USH2A: variants seen among roughly 807,000 people sequenced by gnomAD.
USH2A encodes Usher syndrome 2A (autosomal recessive, mild).
A neutral mutation model predicts 538.9 loss-of-function variants in USH2A; 443 were observed. The ratio of observed to expected loss-of-function variants is 0.82; its 90% CI spans 0.76 to 0.89. The LOEUF (loss-of-function observed/expected upper bound fraction) is 0.89, where lower values mean the gene tolerates loss of function less well. USH2A is among the 40% of genes least tolerant of loss of function. The pLI is 0.00. For missense variants in USH2A, 6,633 were observed against 6,324.8 expected (o/e 1.05, Z -1.65); for synonymous variants, 2,413 against 2,273.5 (o/e 1.06, Z -1.75).
At chr1:215,690,642 G>A (rs908133584) in intron 61 of USH2A, among the ~76,000 whole-genome samples, 3 of 152,126 alleles carry the variant, frequency 2.0e-5, no homozygotes, top group African/African-American at 7.2e-5. Flanking sequence ...ACCTAGAAAA[G>A]CTGCTTCACC....
rs1209755447 is a variant in USH2A at position 216,350,195 on chromosome 1, CA to C, written c.784+14757del. On this transcript the variant is annotated intron_variant, in intron 4 of 71. Coordinates refer to ENST00000307340, the MANE Select transcript of USH2A (RefSeq NM_206933.4). ...TCATGAAAAATCCACCTCCAGAATC[CA>C]ATCATCTCCCACCAGGTATCACCTC... 6.6e-5 allele frequency among the ~76,000 whole-genome samples: 10 copies of C among 152,192 alleles called. No homozygotes were observed. In the East Asian group the frequency reaches 1.9e-3, roughly 29 times the overall value.
intron 9 of USH2A, among the ~76,000 whole-genome samples, chr1:216,301,731 T>A (rs1457796660): frequency 6.6e-6 from 1 of 152,236 alleles, no homozygotes; most frequent in Non-Finnish European, 1.5e-5. Flanking sequence ...TTTTTAGTAC[T>A]GTTACAGTAC....
intron 11 of USH2A, among the ~76,000 whole-genome samples, chr1:216,285,327 T>C (rs1052925918): frequency 1.3e-5 from 2 of 152,200 alleles, no homozygotes; most frequent in African/African-American, 4.8e-5. Flanking sequence ...GCTCAGACTA[T>C]TGCATCAGAG....
chr1:215,921,097 G>A (rs756960382), intron 38 of USH2A, among the ~76,000 whole-genome samples: 5 of 151,972 alleles, frequency 3.3e-5, no homozygotes, highest in South Asian at 2.1e-4. Context: ...TTTTAAGAAA[G>A]TTTGTTAATT....
intron 21 of USH2A, among the ~76,000 whole-genome samples, chr1:216,172,690 A>C (rs2034295149): frequency 2.0e-5 from 3 of 152,152 alleles, no homozygotes; most frequent in Admixed American, 6.6e-5. Context: ...TTAAAAAAAA[A>C]CCTGATGCCT....
At chr1:215,990,906 C>T (rs1667989347) in intron 35 of USH2A, among the ~76,000 whole-genome samples, 1 of 151,726 alleles carries the variant, frequency 6.6e-6, no homozygotes, top group Non-Finnish European at 1.5e-5. Context: ...GGACTACAGG[C>T]ACCTGCCACT....
At chr1:216,361,622 A>C (rs1048976203) in intron 4 of USH2A, among the ~76,000 whole-genome samples, 3 of 152,190 alleles carry the variant, frequency 2.0e-5, no homozygotes, top group Admixed American at 1.3e-4. Context: ...CATTTGGCAA[A>C]TAAGCACATG....
intron 32 of USH2A, among the ~76,000 whole-genome samples, chr1:216,016,348 A>T (rs1239562963): frequency 3.3e-5 from 5 of 152,192 alleles, no homozygotes; most frequent in Non-Finnish European, 4.4e-5. Flanking sequence ...AAAATAATTT[A>T]AAAAAGGAAA....
At chr1:215,940,613 T>G (rs995320543) in intron 37 of USH2A, among the ~76,000 whole-genome samples, 2 of 152,112 alleles carry the variant, frequency 1.3e-5, no homozygotes, top group African/African-American at 4.8e-5. Flanking sequence ...GTATAAAATA[T>G]TTATGGACAT....
At chr1:215,802,560 A>G (rs1347253346) in intron 49 of USH2A, among the ~76,000 whole-genome samples, 1 of 152,158 alleles carries the variant, frequency 6.6e-6, no homozygotes, top group African/African-American at 2.4e-5. Context: ...CAAAACCACA[A>G]TGAGATACCA....
At chr1:215,802,545 C>T (rs1339696340) in intron 49 of USH2A, among the ~76,000 whole-genome samples, 2 of 151,974 alleles carry the variant, frequency 1.3e-5, no homozygotes, top group East Asian at 1.9e-4. Flanking sequence ...TAGGGAAATG[C>T]AAATCAAAAC....
At chr1:216,146,528 G>T (rs965032669) in intron 21 of USH2A, among the ~76,000 whole-genome samples, 5 of 150,368 alleles carry the variant, frequency 3.3e-5, no homozygotes, top group African/African-American at 1.2e-4. Flanking sequence ...TCCTGGGGCA[G>T]GGGCAAGTAC....
intron 47 of USH2A, 126 bp from the exon 48 acceptor site, chr1:215,817,321 G>T (rs1325606247): frequency 6.5e-6 from 3 of 458,596 alleles, no homozygotes; most frequent in Non-Finnish European, 9.8e-6. Flanking sequence ...GTTTATATAT[G>T]AAATCATATA....
intron 41 of USH2A, among the ~76,000 whole-genome samples, chr1:215,883,115 C>T (rs1438214557): frequency 1.3e-5 from 2 of 152,080 alleles, no homozygotes; most frequent in African/African-American, 2.4e-5. Flanking sequence ...AATTAATTTT[C>T]ACTCCCTTGA....
At chr1:216,226,150 T>A (rs140666485) in intron 14 of USH2A, among the ~76,000 whole-genome samples, 1 of 152,136 alleles carries the variant, frequency 6.6e-6, no homozygotes, top group African/African-American at 2.4e-5. Context: ...TGAGAAGCAA[T>A]CATAAATCAG....
chr1:215,665,821 A>G (rs1657588037), intron 64 of USH2A, among the ~76,000 whole-genome samples: 1 of 152,236 alleles, frequency 6.6e-6, no homozygotes, highest in African/African-American at 2.4e-5. Context: ...CACAAGCAAG[A>G]CTGTGATCTC....
At chr1:215,719,558 A>G (rs58124762) in intron 61 of USH2A, among the ~76,000 whole-genome samples, 4,953 of 152,232 alleles carry the variant, frequency 0.033, 244 homozygotes, top group African/African-American at 0.11. Context: ...TTCACTCATG[A>G]CCAAATTAGT....
intron 47 of USH2A, among the ~76,000 whole-genome samples, chr1:215,820,617 G>A (rs376045227): frequency 6.6e-6 from 1 of 151,540 alleles, no homozygotes; most frequent in Admixed American, 6.6e-5. Flanking sequence ...TCTACCTATT[G>A]TGAAATATGT....
At chr1:215,733,100 T>C (rs750738643) in intron 60 of USH2A, among the ~76,000 whole-genome samples, 54 of 150,652 alleles carry the variant, frequency 3.6e-4, no homozygotes, top group Non-Finnish European at 6.3e-4. Flanking sequence ...TGCTGGCATC[T>C]GCTTATGAGA....
Sources: allele counts gnomAD v4.1 joint callset (sites outside exome capture counted in the v4.1 genomes callset), GRCh38; gene constraint gnomAD v4.1.1; transcripts MANE v1.5; gene names NCBI Gene and HGNC (gene_info 2026-07-23, HGNC 2026-07-21).